Variants in PCGF3 observed in about 807,000 individuals in gnomAD.
The protein encoded by PCGF3 is polycomb group ring finger 3.
Under a neutral mutation model 33.1 loss-of-function variants are expected in PCGF3, and 7 were observed. That is an observed-to-expected ratio of 0.21 (90% CI 0.12 to 0.40). The LOEUF (loss-of-function observed/expected upper bound fraction) is 0.40, where lower values mean the gene tolerates loss of function less well. Ranked by LOEUF, PCGF3 falls within the 10% of genes least tolerant of loss-of-function variation. The pLI, the probability that PCGF3 is intolerant of heterozygous loss-of-function variation, is 1.00. For missense variants in PCGF3, 211 were observed against 313.3 expected, an observed-to-expected ratio of 0.67 and a Z score of 2.46; for synonymous variants, 153 against 121.3, an observed-to-expected ratio of 1.26 and a Z score of -1.72.
intron 7 of PCGF3, 123 bp from the exon 8 acceptor site, chr4:744,477 C>A: frequency 2.7e-6 from 2 of 732,016 alleles, no homozygotes; most frequent in Non-Finnish European, 2.3e-6. Context: ...GCTTACTCCG[C>A]TCCGGGGGTC....
chr4:733,637 T>G, intron 3 of PCGF3, 35 bp from the exon 4 acceptor site: 1 of 1,574,252 alleles, frequency 6.4e-7, no homozygotes, highest in South Asian at 1.2e-5. Context: ...CATGGAAGAG[T>G]TTCAGGTGTT....
At chr4:713,319 C>T (rs1158374090) in intron 1 of PCGF3, among the ~76,000 whole-genome samples, 1 of 90,768 alleles carries the variant, frequency 1.1e-5, no homozygotes, top group Non-Finnish European at 2.5e-5. Context: ...CCTTGTGGGT[C>T]CTGTGTGGCC....
chr4:733,677 A>G, exon 4 of PCGF3: 2 of 1,601,472 alleles, frequency 1.2e-6, no homozygotes. Flanking sequence ...TGTAGAAGCC[A>G]AAGATGTTGA....
rs1474131996 is a variant in PCGF3 at position 733,780 on chromosome 4, C to T, written c.100C>T (p.Leu34=). 3.1e-6 allele frequency: 5 copies of T among 1,613,768 alleles called. No homozygotes were observed. In the South Asian group the frequency reaches 4.4e-5, roughly 14 times the overall value. Residue 34 remains leucine, a synonymous_variant, in exon 4 of 11, where the codon CTG becomes TTG. Transcript: ENST00000362003. ...CGACGCCACCACGGTGACCGAGTGTCTGCACACCTGTACGTGCCCTGCCCG... is the reference window on the plus strand; with the variant it reads ...CGACGCCACCACGGTGACCGAGTGTTTGCACACCTGTACGTGCCCTGCCCG...
At chr4:735,430 C>T (rs142530150) in intron 5 of PCGF3, among the ~76,000 whole-genome samples, 4,837 of 152,284 alleles carry the variant, frequency 0.032, 134 homozygotes, top group South Asian at 0.089. Flanking sequence ...CCTATAATCC[C>T]ATCTACTCAG....
intron 8 of PCGF3, chr4:757,252 C>G (rs541166722): frequency 1.3e-5 from 2 of 152,228 alleles, no homozygotes; most frequent in East Asian, 3.9e-4. Context: ...GCCCTTCCTG[C>G]TGCCCTGCGG....
Position 724,903 on chromosome 4 carries a change from A to C in PCGF3, c.-189-5727A>C, listed in dbSNP as rs188531928. 1.4e-4 allele frequency among the ~76,000 whole-genome samples: 21 copies of C among 152,288 alleles called. 1 individual carries two copies. The highest frequency in any genetic ancestry group is 7.2e-4 in the Admixed American group (11 of 15,300). ...CTTGAATCCAGGAGGCAGAAGTTGC[A>C]GTGAGCTGAGATCACACCACTGCAC... On this transcript the variant is annotated intron_variant, in intron 1 of 10. Transcript: ENST00000362003.
chr4:734,282 G>C (rs547655104), intron 4 of PCGF3: 282 of 1,464,232 alleles, frequency 1.9e-4, no homozygotes, highest in Middle Eastern at 1.5e-3. Flanking sequence ...CCATCAGGCT[G>C]AGGCTCGGCT....
chr4:733,938 T>C, intron 4 of PCGF3, 149 bp downstream of exon 4: 1 of 1,556,318 alleles, frequency 6.4e-7, no homozygotes, highest in Non-Finnish European at 8.7e-7. Flanking sequence ...ATCTTGAAGA[T>C]AAGTCAGAAA....
chr4:761,844 G>T (rs1050362325), intron 9 of PCGF3: 37 of 985,246 alleles, frequency 3.8e-5, no homozygotes, highest in South Asian at 9.4e-5. Context: ...GAACATGCCA[G>T]TGTGGGTCCC....
chr4:734,104 C>G (rs555850948), intron 4 of PCGF3: 1 of 1,550,696 alleles, frequency 6.4e-7, no homozygotes, highest in Non-Finnish European at 8.7e-7. Context: ...TCCAAATCTC[C>G]AGAGGAGTTC....
intron 8 of PCGF3, among the ~76,000 whole-genome samples, chr4:760,348 C>G (rs1744981984): frequency 1.4e-5 from 2 of 146,116 alleles, no homozygotes. Flanking sequence ...TTTATCTCTA[C>G]TCCTGATGGG....
At chr4:717,027 T>C (rs141610286) in intron 1 of PCGF3, among the ~76,000 whole-genome samples, 12,092 of 101,138 alleles carry the variant, frequency 0.12, 1,208 homozygotes, top group South Asian at 0.17. Context: ...TGGGACCCTG[T>C]AGACACTGAG....
At chr4:731,205 G>A in intron 3 of PCGF3, 95 bp downstream of exon 3, 1 of 398,440 alleles carries the variant, frequency 2.5e-6, no homozygotes, top group Non-Finnish European at 4.4e-6. Context: ...TTAGGAGCCA[G>A]CTGGTCAGGA....
chr4:766,537 ATATT>A (rs1170634347), exon 11 of PCGF3: 2 of 153,112 alleles, frequency 1.3e-5, no homozygotes, highest in Non-Finnish European at 2.9e-5. Context: ...GTGAATGACA[ATATT>A]TATGTTGCCT....
chr4:757,485 C>T (rs1327382070), intron 8 of PCGF3: 1 of 152,236 alleles, frequency 6.6e-6, no homozygotes, highest in Non-Finnish European at 1.5e-5. Context: ...CCTCATTAAG[C>T]TCTATTTCTT....
At chr4:744,714 AGTGTTAGTGTT>A in intron 8 of PCGF3, 26 bp downstream of exon 8, 1 of 1,206,178 alleles carries the variant, frequency 8.3e-7, no homozygotes, top group Non-Finnish European at 1.2e-6. Flanking sequence ...GGGTCGCTGC[AGTGTTAGTGTT>A]CGCCGTGGAG....
rs571175518 is a variant in PCGF3 at position 712,680 on chromosome 4, T to G, written c.-190+6710T>G. On this transcript the variant is annotated intron_variant, in intron 1 of 10. Coordinates refer to ENST00000362003, the Ensembl canonical transcript of PCGF3. ...CCAGGCTGGTCTCAAACTCCTGACC[T>G]CATGACCCGCCCGCCTTGGCCTCCC... Among the ~76,000 whole-genome samples the G allele has an allele frequency of 9.2e-5, 14 of 152,276 alleles. 1 individual carries two copies. In the South Asian group the frequency reaches 2.9e-3, roughly 32 times the overall value.
chr4:754,430 G>A (rs534429854), intron 8 of PCGF3, among the ~76,000 whole-genome samples: 42 of 152,330 alleles, frequency 2.8e-4, no homozygotes, highest in African/African-American at 6.7e-4. Flanking sequence ...CCTCGCAGCC[G>A]GCGTGGTGAG....
Sources: gnomAD v4.1 joint callset for allele counts (sites outside exome capture counted in the v4.1 genomes callset) on GRCh38, gnomAD v4.1.1 for gene constraint, MANE v1.5 for transcripts, NCBI Gene and HGNC (gene_info 2026-07-23, HGNC 2026-07-21) for gene names.